The following SRPK1 variants were observed in gnomAD, a reference collection of about 807,000 sequenced individuals.
SRPK1 encodes the protein SFRS protein kinase 1.
Under a neutral mutation model 89.5 loss-of-function variants are expected in SRPK1, and 52 were observed. The observed-to-expected ratio is 0.58, with a 90% confidence interval of 0.46 to 0.73. The LOEUF (loss-of-function observed/expected upper bound fraction) is 0.73. Ranked by LOEUF, SRPK1 falls within the 30% of genes least tolerant of loss-of-function variation. The pLI, the probability that SRPK1 is intolerant of heterozygous loss-of-function variation, is 0.00. For missense variants in SRPK1, 603 were observed against 780.6 expected, an observed-to-expected ratio of 0.77 and a Z score of 2.71; for synonymous variants, 255 against 270.2, an observed-to-expected ratio of 0.94 and a Z score of 0.55.
intron 15 of SRPK1, among the ~76,000 whole-genome samples, chr6:35,837,515 T>C (rs372084695): frequency 2.2e-4 from 34 of 152,344 alleles, no homozygotes; most frequent in African/African-American, 6.7e-4. Context: ...AAAGGTCACA[T>C]GGCTAGTGGA....
intron 2 of SRPK1, among the ~76,000 whole-genome samples, chr6:35,906,305 A>T (rs1770846791): frequency 6.6e-6 from 1 of 151,998 alleles, no homozygotes; most frequent in Non-Finnish European, 1.5e-5. Context: ...GCTTACTGCA[A>T]CCTCCACCTC....
In SRPK1 at chr6:35,872,600, C is replaced by T; in HGVS notation, c.714G>A (p.Trp238Ter). The T allele has an allele frequency of 6.2e-7, 1 of 1,611,628 alleles. No individual in the cohort carries two copies. The highest frequency in any genetic ancestry group is 1.1e-5 in the South Asian group (1 of 90,202). ...IRRLAAEATEWQRSGAPPPSG... is the reference protein window; with the variant it reads ...IRRLAAEATE ...AAGGCGGAGGAGCTCCAGATCGCTGCCATTCTGTTGCTTCTGCAGCCAGCC... is the reference window on the plus strand; with the variant it reads ...AAGGCGGAGGAGCTCCAGATCGCTGTCATTCTGTTGCTTCTGCAGCCAGCC... Residue 238 changes from tryptophan to a stop codon, truncating the protein, a stop_gained, in exon 8 of 16, where the codon TGG (tryptophan) becomes TGA (stop). Coordinates refer to ENST00000373825, the MANE Select transcript of SRPK1 (RefSeq NM_003137.5). LOFTEE classifies it high-confidence loss of function.
intron 13 of SRPK1, among the ~76,000 whole-genome samples, chr6:35,843,103 G>C (rs940307838): frequency 5.3e-5 from 8 of 151,828 alleles, no homozygotes; most frequent in Admixed American, 3.9e-4. Flanking sequence ...CGAGTAGCTG[G>C]GACTACAGGT....
chr6:35,891,068 T>G (rs1230052640), intron 2 of SRPK1, 55 bp from the exon 3 acceptor site: 1 of 1,510,906 alleles, frequency 6.6e-7, no homozygotes, highest in African/African-American at 1.4e-5. Flanking sequence ...AATAAGACAT[T>G]ATCAAATGCT....
At chr6:35,846,920 G>A (rs1323306404) in intron 13 of SRPK1, among the ~76,000 whole-genome samples, 1 of 152,184 alleles carries the variant, frequency 6.6e-6, no homozygotes, top group Non-Finnish European at 1.5e-5. Flanking sequence ...CATCTTATTA[G>A]ATGGAGAAAA....
At chr6:35,902,285 T>G (rs1220763439) in intron 2 of SRPK1, among the ~76,000 whole-genome samples, 1 of 150,292 alleles carries the variant, frequency 6.7e-6, no homozygotes, top group Non-Finnish European at 1.5e-5. Flanking sequence ...TGGTGGCATG[T>G]GCCTGTAGTC....
chr6:35,855,774 G>C (rs1769652795), intron 13 of SRPK1, among the ~76,000 whole-genome samples: 1 of 152,100 alleles, frequency 6.6e-6, no homozygotes, highest in Non-Finnish European at 1.5e-5. Flanking sequence ...CATTCTTGTT[G>C]CCTAGGCTGG....
At chr6:35,913,259 A>G (rs1198730975) in intron 2 of SRPK1, among the ~76,000 whole-genome samples, 3 of 152,260 alleles carry the variant, frequency 2.0e-5, no homozygotes, top group Non-Finnish European at 4.4e-5. Context: ...AGAAGAGAAC[A>G]AAATATTTTC....
chr6:35,869,471 T>C lies in SRPK1; in HGVS notation c.1411+11A>G, dbSNP rs757790254. 2 of 1,609,338 alleles carry C rather than the reference T, an allele frequency of 1.2e-6. No homozygotes were observed. The highest frequency in any genetic ancestry group is 4.5e-5 in the East Asian group (2 of 44,804). ...GGAAGGAGTGTTGAGGAAGTATAGCTGCATAGGTACCTTTGTTGTCCAGTG... is the reference window on the plus strand; with the variant it reads ...GGAAGGAGTGTTGAGGAAGTATAGCCGCATAGGTACCTTTGTTGTCCAGTG... On this transcript the variant is annotated intron_variant, in intron 11 of 15. Coordinates refer to ENST00000373825, the MANE Select transcript of SRPK1 (RefSeq NM_003137.5).
intron 2 of SRPK1, among the ~76,000 whole-genome samples, chr6:35,918,258 T>C (rs556092975): frequency 1.3e-5 from 2 of 152,246 alleles, no homozygotes; most frequent in African/African-American, 4.8e-5. Flanking sequence ...CCCAGCACTT[T>C]GGGAGGCTGA....
chr6:35,896,409 T>A (rs1368001353), intron 2 of SRPK1, among the ~76,000 whole-genome samples: 1 of 152,184 alleles, frequency 6.6e-6, no homozygotes, highest in Admixed American at 6.5e-5. Context: ...CAAGGTATAT[T>A]AAAGTTATAA....
At chr6:35,846,609 CATT>C (rs1769432188) in intron 13 of SRPK1, among the ~76,000 whole-genome samples, 1 of 149,184 alleles carries the variant, frequency 6.7e-6, no homozygotes, top group South Asian at 2.1e-4. Flanking sequence ...AAAGAGGAGA[CATT>C]ATAATGAATA....
At position 35,887,789 on chromosome 6, in the gene SRPK1, G is replaced by T. The variant is rs902627165; in HGVS notation, c.390+235C>A. The stretch of plus-strand genomic sequence containing the variant: ...GTGAATATTTTTATTCATTTGAAAG[G>T]TTTTTTTTTGGTTCATGCGTGTAAG... On this transcript the variant is annotated intron_variant, in intron 5 of 15. Coordinates refer to ENST00000373825, the MANE Select transcript of SRPK1 (RefSeq NM_003137.5). 1.7e-5 allele frequency: 6 copies of T among 344,568 alleles called. No individual in the cohort carries two copies. The Admixed American group carries it at 1.9e-4, about 11-fold the overall frequency. The allele number at this position is 344,568 out of a possible 1,614,324, so 21.3% of individuals were successfully genotyped here. A position where few individuals can be genotyped will look rare whatever the true frequency, so the allele number is the denominator to read the frequency against.
chr6:35,871,577 TA>T (rs1467368502), intron 8 of SRPK1, among the ~76,000 whole-genome samples: 2 of 152,218 alleles, frequency 1.3e-5, no homozygotes, highest in African/African-American at 2.4e-5. Context: ...TACATCCATT[TA>T]ACAACCAACT....
chr6:35,883,007 C>T (rs2127254370), intron 6 of SRPK1, among the ~76,000 whole-genome samples: 1 of 152,286 alleles, frequency 6.6e-6, no homozygotes, highest in African/African-American at 2.4e-5. Flanking sequence ...TGGGGTTTCG[C>T]CATGTTGGCC....
At chr6:35,898,606 T>C (rs1426287974) in intron 2 of SRPK1, among the ~76,000 whole-genome samples, 1 of 152,118 alleles carries the variant, frequency 6.6e-6, no homozygotes, top group Non-Finnish European at 1.5e-5. Flanking sequence ...GTGGCAGGCA[T>C]CTGTAATCTC....
chr6:35,874,192 C>T (rs1770105540), intron 7 of SRPK1, 41 bp downstream of exon 7: 1 of 1,445,464 alleles, frequency 6.9e-7, no homozygotes, highest in Non-Finnish European at 9.6e-7. Flanking sequence ...AAAATCACTA[C>T]ATAGTCAAGA....
intron 3 of SRPK1, 39 bp downstream of exon 3, chr6:35,890,856 A>G (rs1770503578): frequency 6.7e-7 from 1 of 1,497,156 alleles, no homozygotes. Context: ...TTGCAAATAG[A>G]TGGCTCATGT....
chr6:35,849,812 T>G (rs1481342776), intron 13 of SRPK1, among the ~76,000 whole-genome samples: 1 of 152,190 alleles, frequency 6.6e-6, no homozygotes, highest in Non-Finnish European at 1.5e-5. Context: ...CTGAAACTGG[T>G]ACCAAGTGTT....
Sources: allele counts gnomAD v4.1 joint callset (sites outside exome capture counted in the v4.1 genomes callset), GRCh38; gene constraint gnomAD v4.1.1; transcripts MANE v1.5; gene names NCBI Gene and HGNC (gene_info 2026-07-23, HGNC 2026-07-21).